Variants in TIAM1 observed in about 807,000 individuals in gnomAD.
The protein encoded by TIAM1 is TIAM Rac1 associated GEF 1.
A neutral mutation model predicts 163.5 loss-of-function variants in TIAM1; 65 were observed. That is an observed-to-expected ratio of 0.40 (90% CI 0.33 to 0.49). The LOEUF (loss-of-function observed/expected upper bound fraction) is 0.49. Among genes scored for constraint, TIAM1 ranks in the 20% least tolerant of loss-of-function variants. The pLI is 0.77. For synonymous variants in TIAM1, 833 were observed against 810.1 expected (o/e 1.03, Z -0.48); for missense variants, 1,789 against 2,044.7 (o/e 0.87, Z 2.41).
chr21:31,505,950 A>G (rs950996304), intron 1 of TIAM1, among the ~76,000 whole-genome samples: 1 of 147,204 alleles, frequency 6.8e-6, no homozygotes, highest in Non-Finnish European at 1.5e-5. Flanking sequence ...CGGAGGTTGC[A>G]CTGAGCCAAG....
upstream of TIAM1, among the ~76,000 whole-genome samples, chr21:31,348,439 C>A (rs576074498): frequency 6.6e-6 from 1 of 152,312 alleles, no homozygotes; most frequent in South Asian, 2.1e-4. Context: ...TTAGGTGATA[C>A]GCAACAGGGG....
At chr21:31,422,266 C>T (rs2147261201) in intron 2 of TIAM1, among the ~76,000 whole-genome samples, 1 of 152,264 alleles carries the variant, frequency 6.6e-6, no homozygotes, top group Middle Eastern at 3.4e-3. Flanking sequence ...ATATTAAGAA[C>T]ACATGTTACT....
intron 2 of TIAM1, among the ~76,000 whole-genome samples, chr21:31,455,590 T>A (rs187486007): frequency 1.3e-5 from 2 of 151,962 alleles, no homozygotes. Context: ...TTTTTGTACT[T>A]TTAGTAGAAT....
intron 2 of TIAM1, among the ~76,000 whole-genome samples, chr21:31,410,352 G>A (rs759115905): frequency 1.3e-5 from 2 of 152,028 alleles, no homozygotes; most frequent in South Asian, 2.1e-4. Flanking sequence ...GTGTGTGTGT[G>A]TATGTGTGAG....
In TIAM1 at chr21:31,210,225, G is replaced by C. The variant is rs755202659; in HGVS notation, c.2218-10C>G. 1 of 1,613,504 alleles carries C rather than the reference G, an allele frequency of 6.2e-7. No homozygotes were observed. Among genetic ancestry groups the C allele is most frequent in the South Asian group, 1.1e-5 (1 of 91,028 alleles). Reference sequence around the variant, plus strand: ...CCACTTCTTTCTCCCTCTATAACAAGAAATAAAGTTAGCAGGGCAGCAGCA... The same window carrying C: ...CCACTTCTTTCTCCCTCTATAACAACAAATAAAGTTAGCAGGGCAGCAGCA... On this transcript the variant is annotated splice_polypyrimidine_tract_variant and intron_variant, in intron 10 of 27. Transcript: ENST00000541036.
chr21:31,316,162 C>A (rs1420830068), intron 2 of TIAM1, among the ~76,000 whole-genome samples: 1 of 151,968 alleles, frequency 6.6e-6, no homozygotes, highest in Non-Finnish European at 1.5e-5. Flanking sequence ...ATGAGAGGTA[C>A]CCTGATGTCC....
At chr21:31,547,881 AT>A (rs1181910749) in intron 1 of TIAM1, among the ~76,000 whole-genome samples, 15 of 152,358 alleles carry the variant, frequency 9.8e-5, no homozygotes, top group Admixed American at 4.6e-4. Context: ...GTTATTAGCA[AT>A]ATCCAGAAGA....
intron 2 of TIAM1, among the ~76,000 whole-genome samples, chr21:31,316,562 A>G (rs779616856): frequency 2.0e-5 from 3 of 152,212 alleles, no homozygotes; most frequent in Non-Finnish European, 2.9e-5. Context: ...AGAAGTAATC[A>G]GGACTGTGTG....
chr21:31,153,990 G>T (rs1004174210), intron 17 of TIAM1, among the ~76,000 whole-genome samples: 2 of 152,200 alleles, frequency 1.3e-5, no homozygotes, highest in Admixed American at 6.5e-5. Context: ...CTTGAGCGCA[G>T]GAAGTAAAGG....
intron 2 of TIAM1, among the ~76,000 whole-genome samples, chr21:31,372,784 G>A (rs1186152643): frequency 3.9e-5 from 6 of 151,958 alleles, no homozygotes; most frequent in South Asian, 2.1e-4. Context: ...TCAGTGGTGC[G>A]GTGGCTCACA....
At chr21:31,274,910 A>C (rs2073224273) in intron 3 of TIAM1, among the ~76,000 whole-genome samples, 1 of 148,790 alleles carries the variant, frequency 6.7e-6, no homozygotes, top group Non-Finnish European at 1.5e-5. Context: ...CGAGTTTGAG[A>C]CTAGTCTGGC....
At position 31,510,473 on chromosome 21, in the gene TIAM1, T is replaced by C. The variant is rs138202150; in HGVS notation, c.-421-46438A>G. On this transcript the variant is annotated intron_variant, in intron 1 of 28. Coordinates refer to the TIAM1 transcript ENST00000286827. ...TAATGAGGGTTCGGGATTCAACATA[T>C]GAAGTTTCAACATAGGAAGTTTTGG... 5.3e-5 allele frequency among the ~76,000 whole-genome samples: 8 copies of C among 152,314 alleles called. No homozygotes were observed. In the East Asian group the frequency reaches 1.2e-3, roughly 22 times the overall value.
intron 2 of TIAM1, among the ~76,000 whole-genome samples, chr21:31,428,032 C>A (rs1045841014): frequency 6.6e-6 from 1 of 152,008 alleles, no homozygotes; most frequent in Non-Finnish European, 1.5e-5. Context: ...GAGGCCGAAG[C>A]GGGTGGATCA....
chr21:31,426,124 C>T (rs1383024983), intron 2 of TIAM1, among the ~76,000 whole-genome samples: 1 of 152,076 alleles, frequency 6.6e-6, no homozygotes, highest in Non-Finnish European at 1.5e-5. Flanking sequence ...ACCCATCACC[C>T]AAGCAGTGTA....
intron 6 of TIAM1, among the ~76,000 whole-genome samples, chr21:31,241,455 ATCTC>A (rs1275550226): frequency 6.6e-6 from 1 of 152,128 alleles, no homozygotes; most frequent in African/African-American, 2.4e-5. Context: ...TTTTAAGGAA[ATCTC>A]TCTCTAATAA....
rs371812148 is a variant in TIAM1 at position 31,441,722 on chromosome 21, A to AT, written c.-369+22260dup. ...GATCTGGAGGTCACTGAAGAAAAAAATTGACACTTGTTAAAAGAGTAATGA... is the reference window on the plus strand; with the variant it reads ...GATCTGGAGGTCACTGAAGAAAAAAATTTGACACTTGTTAAAAGAGTAATGA... On this transcript the variant is annotated intron_variant, in intron 2 of 28. Coordinates refer to the TIAM1 transcript ENST00000286827. 2.3e-3 allele frequency among the ~76,000 whole-genome samples: 351 copies of AT among 152,172 alleles called. 1 individual carries two copies. Among genetic ancestry groups the AT allele is most frequent in the African/African-American group, 7.7e-3 (320 of 41,530 alleles).
rs1344953431 is a variant in TIAM1, at chr21:31,441,851, C to T, written c.-369+22132G>A. 2.1e-5 allele frequency among the ~76,000 whole-genome samples: 3 copies of T among 145,826 alleles called. No homozygotes were observed. The Admixed American group carries it at 2.1e-4, about 10-fold the overall frequency. On this transcript the variant is annotated intron_variant, in intron 2 of 28. Transcript: ENST00000286827. ...ATCACTTGAGCCCAGGAGTTCGAGA[C>T]TAGCCTGGGCAGCATGGTGAAACCC...
intron 3 of TIAM1, among the ~76,000 whole-genome samples, chr21:31,269,780 T>C (rs1569140590): frequency 6.6e-6 from 1 of 151,300 alleles, no homozygotes; most frequent in Non-Finnish European, 1.5e-5. Flanking sequence ...CACGCCATTC[T>C]CCTGCCTCAG....
rs142567895 is a variant in TIAM1 at position 31,266,071 on chromosome 21, G to A, written c.902C>T (p.Ala301Val). The A allele has an allele frequency of 1.5e-4, 237 of 1,614,194 alleles. 2 individuals carry two copies. In the Middle Eastern group the frequency reaches 2.5e-3, roughly 17 times the overall value. Reference protein sequence around the residue: ...CRKSHCLSEGATNPQISHSNS... With the variant: ...CRKSHCLSEGVTNPQISHSNS... ...GCTATGGCTAATTTGTGGGTTGGTG[G>A]CACCTTCAGAGAGACAGTGAGATTT... The change falls in exon 4 of 28, where the codon GCC becomes GTC. Residue 301 changes from alanine (A) to valine (V), a missense_variant. By Grantham distance (64) the Ala-to-Val change is moderately conservative. Transcript: ENST00000541036.
Sources: gnomAD v4.1 joint callset for allele counts (sites outside exome capture counted in the v4.1 genomes callset) on GRCh38, gnomAD v4.1.1 for gene constraint, MANE v1.5 for transcripts, NCBI Gene and HGNC (gene_info 2026-07-23, HGNC 2026-07-21) for gene names.